The following HDGFL3 variants were observed in gnomAD, a reference collection of about 807,000 sequenced individuals.
The protein encoded by HDGFL3 is HDGF like 3.
In HDGFL3, 6 loss-of-function variants were observed where a neutral mutation model predicts 27.6. That is an observed-to-expected ratio of 0.22 (90% CI 0.12 to 0.43). HDGFL3 has a LOEUF of 0.43. HDGFL3 is among the 20% of genes least tolerant of loss of function. HDGFL3 has a pLI of 1.00. For synonymous variants in HDGFL3, 88 were observed against 88.9 expected, an observed-to-expected ratio of 0.99 and a Z score of 0.05; for missense variants, 207 against 250.1, an observed-to-expected ratio of 0.83 and a Z score of 1.16.
At position 83,130,274 on chromosome 15, in the gene HDGFL3, GT is replaced by G. The variant is rs1321249645; in HGVS notation, c.*8995del. The G allele has an allele frequency of 6.6e-6, 1 of 152,334 alleles. No homozygotes were observed. The highest frequency in any genetic ancestry group is 1.5e-5 in the Non-Finnish European group (1 of 68,118). 9.4% of individuals were successfully genotyped at this position (152,334 alleles called of 1,614,324 possible). On this transcript the variant is annotated 3_prime_UTR_variant, in exon 6 of 6. Coordinates refer to ENST00000299633, the MANE Select transcript of HDGFL3 (RefSeq NM_016073.4). Reference sequence around the variant, plus strand: ...AGAGGAAAATGGGTGTGGTAAGCCTGTAGCAATAAGACAAACCCTAATCTGT... The same window carrying G: ...AGAGGAAAATGGGTGTGGTAAGCCTGAGCAATAAGACAAACCCTAATCTGT...
chr15:83,204,172 G>A (rs2037686756), intron 1 of HDGFL3, among the ~76,000 whole-genome samples: 2 of 151,322 alleles, frequency 1.3e-5, no homozygotes, highest in African/African-American at 4.9e-5. Flanking sequence ...TTATGTCAAT[G>A]TATTTATGTA....
chr15:83,189,858 A>G (rs956068791), intron 1 of HDGFL3, among the ~76,000 whole-genome samples: 1 of 152,182 alleles, frequency 6.6e-6, no homozygotes, highest in Admixed American at 6.5e-5. Flanking sequence ...GTATAGCTGT[A>G]GCTCATTCAT....
At chr15:83,127,238 C>A (rs1349677345), downstream of HDGFL3, 5 of 974,666 alleles carry the variant, frequency 5.1e-6, no homozygotes, top group Non-Finnish European at 5.6e-6. Context: ...AAAAAAGAGT[C>A]CCATATAGGA....
At chr15:83,150,612 G>T (rs908392340) in intron 5 of HDGFL3, among the ~76,000 whole-genome samples, 2 of 152,154 alleles carry the variant, frequency 1.3e-5, no homozygotes, top group Non-Finnish European at 2.9e-5. Flanking sequence ...CTTCATAGAG[G>T]AAAGACTCAT....
intron 1 of HDGFL3, among the ~76,000 whole-genome samples, chr15:83,183,466 TAA>T (rs2037403747): frequency 1.3e-5 from 2 of 152,102 alleles, no homozygotes; most frequent in African/African-American, 4.8e-5. Context: ...TGATTGAATA[TAA>T]AGAGCACCTT....
chr15:83,151,304 C>T lies in HDGFL3; in HGVS notation c.517G>A (p.Glu173Lys). 1 of 1,613,396 alleles carries T rather than the reference C, an allele frequency of 6.2e-7. No homozygotes were observed. Among genetic ancestry groups the T allele is most frequent in the Non-Finnish European group, 8.5e-7 (1 of 1,179,668 alleles). ...PGDEDDKDCK[E>K]EENKSSSEGG... ...TCAGAGCTGCTTTTGTTTTCCTCTTCTTTGCAGTCTTTGTCATCTTCATCT... is the reference window on the plus strand; with the variant it reads ...TCAGAGCTGCTTTTGTTTTCCTCTTTTTTGCAGTCTTTGTCATCTTCATCT... Residue 173 changes from glutamate to lysine, a missense_variant, in exon 5 of 6, where the codon GAA (glutamate) becomes AAA (lysine). Coordinates refer to ENST00000299633, the MANE Select transcript of HDGFL3 (RefSeq NM_016073.4).
chr15:83,166,982 C>G (rs2037178433), intron 1 of HDGFL3, among the ~76,000 whole-genome samples: 1 of 152,164 alleles, frequency 6.6e-6, no homozygotes, highest in Admixed American at 6.5e-5. Context: ...ACCATATCAG[C>G]AACCAACAAC....
At chr15:83,159,655 G>C (rs1391984599) in intron 2 of HDGFL3, among the ~76,000 whole-genome samples, 1 of 152,166 alleles carries the variant, frequency 6.6e-6, no homozygotes, top group Admixed American at 6.5e-5. Flanking sequence ...GCTAAGTAAA[G>C]AACAAAGAAA....
chr15:83,122,677 T>A (rs2151365119), intron 3 of HDGFL3: 1 of 1,513,062 alleles, frequency 6.6e-7, no homozygotes, highest in East Asian at 2.3e-5. Flanking sequence ...TTAGATGACC[T>A]GAGATGGGGA....
At chr15:83,124,379 T>C (rs1449242065), downstream of HDGFL3, among the ~76,000 whole-genome samples, 3 of 152,090 alleles carry the variant, frequency 2.0e-5, no homozygotes, top group Non-Finnish European at 4.4e-5. Context: ...AGGTTTATGG[T>C]TTACCTTTAA....
Position 83,189,877 on chromosome 15 carries a change from C to T in HDGFL3, c.84+17454G>A, listed in dbSNP as rs150869671. Reference sequence around the variant, plus strand: ...AGCTGTAGCTCATTCATATTTAATGCGGCATAATATCCTGTTATGTCAATA... The same window carrying T: ...AGCTGTAGCTCATTCATATTTAATGTGGCATAATATCCTGTTATGTCAATA... On this transcript the variant is annotated intron_variant, in intron 1 of 5. Coordinates refer to ENST00000299633, the MANE Select transcript of HDGFL3 (RefSeq NM_016073.4). 9.3e-3 allele frequency among the ~76,000 whole-genome samples: 1,421 copies of T among 152,168 alleles called. 15 individuals carry two copies. The highest frequency in any genetic ancestry group is 0.011 in the Non-Finnish European group (775 of 68,006).
chr15:83,119,393 C>G (rs143888609), intron 3 of HDGFL3, among the ~76,000 whole-genome samples: 6 of 152,310 alleles, frequency 3.9e-5, no homozygotes, highest in Non-Finnish European at 8.8e-5. Context: ...GTGGCCAGAC[C>G]CTGGTTTTGG....
intron 3 of HDGFL3, chr15:83,122,087 A>G (rs901779475): frequency 6.4e-6 from 7 of 1,101,814 alleles, no homozygotes; most frequent in Non-Finnish European, 9.4e-6. Context: ...TTTAGTTATA[A>G]TAGAACCAAG....
intron 3 of HDGFL3, among the ~76,000 whole-genome samples, chr15:83,117,598 G>C (rs1427099012): frequency 6.6e-6 from 1 of 152,060 alleles, no homozygotes; most frequent in East Asian, 1.9e-4. Flanking sequence ...CTGACGAGAG[G>C]GCTGGAGGCT....
intron 1 of HDGFL3, among the ~76,000 whole-genome samples, chr15:83,189,176 A>C (rs1212601248): frequency 6.6e-6 from 1 of 152,068 alleles, no homozygotes; most frequent in African/African-American, 2.4e-5. Flanking sequence ...GGGCCCTTTG[A>C]ATCTACCTTC....
intron 1 of HDGFL3, among the ~76,000 whole-genome samples, chr15:83,176,617 A>C (rs932965747): frequency 4.6e-5 from 7 of 152,142 alleles, no homozygotes; most frequent in Admixed American, 4.6e-4. Context: ...GGGACTCATT[A>C]GAAATGCTTA....
rs1260469133 is a variant in HDGFL3, at chr15:83,136,455, C to CAATTTTTTTTTA, written c.*2814_*2815insTAAAAAAAAATT. 1 of 1,526,068 alleles carries CAATTTTTTTTTA rather than the reference C, an allele frequency of 6.6e-7. No homozygotes were observed. Among genetic ancestry groups the CAATTTTTTTTTA allele is most frequent in the African/African-American group, 1.4e-5 (1 of 71,702 alleles). 94.5% of individuals were successfully genotyped at this position (1,526,068 alleles called of 1,614,324 possible). On this transcript the variant is annotated 3_prime_UTR_variant, in exon 6 of 6. Transcript: ENST00000299633. ...CAACTGAACACGTTTCATGCTTACT[C>CAATTTTTTTTTA]AATTTTTTTTTTTTAAATGCAACAG...
rs2036320060 is a variant in HDGFL3, at chr15:83,132,496, CAA to C, written c.*6772_*6773del. 6.6e-6 allele frequency: 1 copy of C among 152,112 alleles called. No homozygotes were observed. The highest frequency in any genetic ancestry group is 1.5e-5 in the Non-Finnish European group (1 of 68,034). 9.4% of individuals were successfully genotyped at this position (152,112 alleles called of 1,614,324 possible). On this transcript the variant is annotated 3_prime_UTR_variant, in exon 6 of 6. Transcript: ENST00000299633. Reference sequence around the variant, plus strand: ...GGTGCTATGTCATGTCTTTTTCTCACAAAGAGATATGGAAACTTACGTGTGAA... The same window carrying C: ...GGTGCTATGTCATGTCTTTTTCTCACAGAGATATGGAAACTTACGTGTGAA...
chr15:83,136,435 G>T lies in HDGFL3; in HGVS notation c.*2835C>A. 6.6e-7 allele frequency: 1 copy of T among 1,514,618 alleles called. No homozygotes were observed. Among genetic ancestry groups the T allele is most frequent in the South Asian group, 1.3e-5 (1 of 74,470 alleles). 93.8% of individuals were successfully genotyped at this position (1,514,618 alleles called of 1,614,324 possible). A position where few individuals can be genotyped will look rare whatever the true frequency, so the allele number is the denominator to read the frequency against. ...TTCAGAACTCATCATGCATCCAACTGAACACGTTTCATGCTTACTCAATTT... is the reference window on the plus strand; with the variant it reads ...TTCAGAACTCATCATGCATCCAACTTAACACGTTTCATGCTTACTCAATTT... On this transcript the variant is annotated 3_prime_UTR_variant, in exon 6 of 6. Coordinates refer to ENST00000299633, the MANE Select transcript of HDGFL3 (RefSeq NM_016073.4).
Sources: gnomAD v4.1 joint callset for allele counts (sites outside exome capture counted in the v4.1 genomes callset) on GRCh38, gnomAD v4.1.1 for gene constraint, MANE v1.5 for transcripts, NCBI Gene and HGNC (gene_info 2026-07-23, HGNC 2026-07-21) for gene names.